The following PARD3B variants were observed in gnomAD, a reference collection of about 807,000 sequenced individuals.
The protein encoded by PARD3B is partitioning defective 3 homolog B.
Under a neutral mutation model 130.2 loss-of-function variants are expected in PARD3B, and 103 were observed. That is an observed-to-expected ratio of 0.79 (90% confidence interval 0.67 to 0.93). The LOEUF is 0.93. Among genes scored for constraint, PARD3B ranks in the 40% least tolerant of loss-of-function variants. The pLI is 0.00. For missense variants in PARD3B, 1,609 were observed against 1,499.2 expected, an observed-to-expected ratio of 1.07 and a Z score of -1.21; for synonymous variants, 583 against 553.2, an observed-to-expected ratio of 1.05 and a Z score of -0.76.
rs117572932 is a variant in PARD3B at position 204,859,133 on chromosome 2, A to G, written c.223-106019A>G. On this transcript the variant is annotated intron_variant, in intron 2 of 22. Transcript: ENST00000406610. ...AAAAAATATGACATTGAAGACCAAT[A>G]TTTAATAGCCAATTTTTTCTTTTCT... 1.6e-4 allele frequency among the ~76,000 whole-genome samples: 24 copies of G among 152,230 alleles called. No homozygotes were observed. The East Asian group carries it at 4.4e-3, about 28-fold the overall frequency.
At chr2:204,930,400 T>C (rs1687946447) in intron 2 of PARD3B, among the ~76,000 whole-genome samples, 1 of 152,084 alleles carries the variant, frequency 6.6e-6, no homozygotes, top group Non-Finnish European at 1.5e-5. Context: ...TAATACAATG[T>C]AAATACTATG....
At chr2:204,999,358 A>T (rs975207792) in intron 3 of PARD3B, among the ~76,000 whole-genome samples, 4 of 152,192 alleles carry the variant, frequency 2.6e-5, no homozygotes, top group African/African-American at 9.7e-5. Flanking sequence ...CTTAAGAATG[A>T]TTTTTTTAAA....
At chr2:205,516,031 G>T (rs2050779732) in intron 21 of PARD3B, among the ~76,000 whole-genome samples, 1 of 152,088 alleles carries the variant, frequency 6.6e-6, no homozygotes, top group Admixed American at 6.6e-5. Context: ...AGTTATCCCA[G>T]CACCATTTAT....
At chr2:204,905,822 CG>C (rs890384010) in intron 2 of PARD3B, among the ~76,000 whole-genome samples, 1 of 152,014 alleles carries the variant, frequency 6.6e-6, no homozygotes, top group East Asian at 1.9e-4. Flanking sequence ...AAGGGTTAGT[CG>C]GGGGAAAATG....
At chr2:205,541,863 G>T (rs945625089) in intron 21 of PARD3B, among the ~76,000 whole-genome samples, 1 of 150,962 alleles carries the variant, frequency 6.6e-6, no homozygotes, top group Middle Eastern at 3.2e-3. Flanking sequence ...TGTTTGGCTG[G>T]CCAGACACGG....
intron 2 of PARD3B, among the ~76,000 whole-genome samples, chr2:204,712,719 GCAAT>G (rs1400850091): frequency 6.6e-6 from 1 of 150,376 alleles, no homozygotes; most frequent in African/African-American, 2.4e-5. Flanking sequence ...GATAGATAAA[GCAAT>G]CAAAGAAAAA....
At chr2:204,888,506 C>A (rs1018265690) in intron 2 of PARD3B, among the ~76,000 whole-genome samples, 1 of 152,062 alleles carries the variant, frequency 6.6e-6, no homozygotes, top group Non-Finnish European at 1.5e-5. Context: ...CCAAGCCAGG[C>A]AGATCTCTTG....
At chr2:205,538,601 T>C (rs939468976) in intron 21 of PARD3B, among the ~76,000 whole-genome samples, 1 of 152,140 alleles carries the variant, frequency 6.6e-6, no homozygotes, top group Non-Finnish European at 1.5e-5. Context: ...TCTCTCTCTA[T>C]AATTCCCTCT....
chr2:205,437,980 C>T (rs915422304), intron 19 of PARD3B, among the ~76,000 whole-genome samples: 2 of 151,948 alleles, frequency 1.3e-5, no homozygotes, highest in Admixed American at 6.6e-5. Context: ...AAAAAAATTT[C>T]CTTGACACTT....
At chr2:205,306,019 C>G (rs1030932780) in intron 18 of PARD3B, among the ~76,000 whole-genome samples, 1 of 152,044 alleles carries the variant, frequency 6.6e-6, no homozygotes, top group African/African-American at 2.4e-5. Context: ...TGCATTTTCC[C>G]CAATATACCC....
At chr2:205,191,903 G>T (rs1217633969) in intron 14 of PARD3B, among the ~76,000 whole-genome samples, 1 of 152,086 alleles carries the variant, frequency 6.6e-6, no homozygotes, top group Non-Finnish European at 1.5e-5. Flanking sequence ...ACCCAAGCTG[G>T]AGGGAAGAGG....
intron 2 of PARD3B, among the ~76,000 whole-genome samples, chr2:204,718,428 G>C (rs1170382987): frequency 3.3e-5 from 5 of 152,148 alleles, no homozygotes; most frequent in Admixed American, 3.3e-4. Context: ...CAAGGTGGCA[G>C]GAGAGAGGAG....
rs914007996 is a variant in PARD3B at position 205,078,705 on chromosome 2, T to C, written c.505-25721T>C. On this transcript the variant is annotated intron_variant, in intron 4 of 22. Transcript: ENST00000406610. The surrounding 1 kb of genome is among the most constrained non-coding windows in gnomAD (Gnocchi z 4.0). Reference sequence around the variant, plus strand: ...ACTGGCCCAGTGACTTAATTGAAAATCATAGCGTGCAGCAGACATTGTGTG... The same window carrying C: ...ACTGGCCCAGTGACTTAATTGAAAACCATAGCGTGCAGCAGACATTGTGTG... Among the ~76,000 whole-genome samples the C allele has an allele frequency of 5.3e-5, 8 of 152,168 alleles. No individual in the cohort carries two copies. Among genetic ancestry groups the C allele is most frequent in the African/African-American group, 1.7e-4 (7 of 41,440 alleles).
intron 2 of PARD3B, among the ~76,000 whole-genome samples, chr2:204,911,605 T>A (rs1452888333): frequency 3.3e-5 from 5 of 152,342 alleles, no homozygotes; most frequent in Middle Eastern, 3.4e-3. Flanking sequence ...CATTTCAGTC[T>A]GCAACAGTGT....
intron 2 of PARD3B, among the ~76,000 whole-genome samples, chr2:204,699,653 A>G (rs750078887): frequency 2.0e-5 from 3 of 152,136 alleles, no homozygotes; most frequent in South Asian, 2.1e-4. Context: ...GAATGTTACA[A>G]TAAGACAAGC....
intron 4 of PARD3B, among the ~76,000 whole-genome samples, chr2:205,100,913 T>G (rs1005506439): frequency 6.6e-5 from 10 of 152,150 alleles, no homozygotes; most frequent in Non-Finnish European, 1.2e-4. Flanking sequence ...GGTGTACATC[T>G]TTGTGACCTT....
At chr2:205,595,182 C>G (rs1174656758) in intron 22 of PARD3B, among the ~76,000 whole-genome samples, 1 of 152,074 alleles carries the variant, frequency 6.6e-6, no homozygotes, top group Admixed American at 6.6e-5. Context: ...TGCACACTCT[C>G]TCCCAGTGCA....
At position 205,301,724 on chromosome 2, in the gene PARD3B, A is replaced by G; in HGVS notation, c.2630+23A>G. On this transcript the variant is annotated intron_variant, in intron 18 of 22. Coordinates refer to ENST00000406610, the MANE Select transcript of PARD3B (RefSeq NM_001302769.2). The surrounding 1 kb of genome is among the most constrained non-coding windows in gnomAD (Gnocchi z 5.2). ...GAGGTATGGGCCTGCTTTGAAGGCA[A>G]AGTTGGTTCTCATTTTGTCTCTCCT... 1 of 1,613,872 alleles carries G rather than the reference A, an allele frequency of 6.2e-7. No individual in the cohort carries two copies. The highest frequency in any genetic ancestry group is 8.5e-7 in the Non-Finnish European group (1 of 1,179,852).
chr2:204,945,414 C>T (rs1031985010), intron 2 of PARD3B, among the ~76,000 whole-genome samples: 1 of 152,178 alleles, frequency 6.6e-6, no homozygotes, highest in Non-Finnish European at 1.5e-5. Flanking sequence ...TATTGCTATG[C>T]AGAACCTGAA....
Sources: allele counts gnomAD v4.1 joint callset (sites outside exome capture counted in the v4.1 genomes callset), GRCh38; gene constraint gnomAD v4.1.1; non-coding constraint Gnocchi (gnomAD v3.1); transcripts MANE v1.5; gene names NCBI Gene and HGNC (gene_info 2026-07-23, HGNC 2026-07-21).